Variants in PRDM6 observed in about 807,000 individuals in gnomAD.
PRDM6 encodes PR/SET domain 6.
Under a neutral mutation model 60.8 loss-of-function variants are expected in PRDM6, and 25 were observed. The ratio of observed to expected loss-of-function variants is 0.41; its 90% confidence interval spans 0.30 to 0.57. PRDM6 has a LOEUF of 0.57. PRDM6 is among the 20% of genes least tolerant of loss of function. The probability of loss-of-function intolerance (pLI) is 0.27; values close to 1 mark genes in which losing one functional copy is unlikely to be tolerated. For missense variants in PRDM6, 839 were observed against 821.3 expected (o/e 1.02, Z -0.26); for synonymous variants, 407 against 357.4 (o/e 1.14, Z -1.57).
intron 3 of PRDM6, among the ~76,000 whole-genome samples, chr5:123,126,686 T>G (rs2150220832): frequency 6.6e-6 from 1 of 152,334 alleles, no homozygotes; most frequent in South Asian, 2.1e-4. Context: ...CACATATTTC[T>G]ACATTTTCTT....
At chr5:123,120,280 C>A (rs1764552043) in intron 3 of PRDM6, among the ~76,000 whole-genome samples, 1 of 152,282 alleles carries the variant, frequency 6.6e-6, no homozygotes, top group Admixed American at 6.5e-5. Flanking sequence ...TGTGTTATGT[C>A]CAAACAGTGT....
intron 6 of PRDM6, among the ~76,000 whole-genome samples, chr5:123,172,272 CAT>C (rs772151874): frequency 6.6e-6 from 1 of 152,150 alleles, no homozygotes; most frequent in Non-Finnish European, 1.5e-5. Flanking sequence ...TTACAGGATA[CAT>C]GTGCACATTA....
At chr5:123,098,973 T>C (rs1239008657) in intron 2 of PRDM6, among the ~76,000 whole-genome samples, 1 of 151,550 alleles carries the variant, frequency 6.6e-6, no homozygotes, top group African/African-American at 2.4e-5. Flanking sequence ...CTCTGCCCCG[T>C]CCCGTGGCGT....
chr5:123,117,728 C>T (rs1036794663), intron 3 of PRDM6, among the ~76,000 whole-genome samples: 5 of 152,008 alleles, frequency 3.3e-5, no homozygotes, highest in East Asian at 1.9e-4. Context: ...AGAGCAGCCA[C>T]GGAGTGTGTC....
At chr5:123,115,160 G>A (rs1181486554) in intron 3 of PRDM6, among the ~76,000 whole-genome samples, 1 of 152,104 alleles carries the variant, frequency 6.6e-6, no homozygotes, top group Admixed American at 6.5e-5. Flanking sequence ...AGGTGTAGTT[G>A]TGGATGCCTC....
At chr5:123,142,226 G>C (rs1456690002) in intron 3 of PRDM6, among the ~76,000 whole-genome samples, 1 of 152,064 alleles carries the variant, frequency 6.6e-6, no homozygotes, top group Non-Finnish European at 1.5e-5. Flanking sequence ...CTTATATTAA[G>C]ACATATTTAC....
intron 3 of PRDM6, among the ~76,000 whole-genome samples, chr5:123,133,123 G>A (rs1469950843): frequency 1.3e-5 from 2 of 152,094 alleles, no homozygotes; most frequent in African/African-American, 2.4e-5. Flanking sequence ...CATACAGTGT[G>A]AGAGGCCTGT....
chr5:123,136,393 C>T (rs1011074396), intron 3 of PRDM6, among the ~76,000 whole-genome samples: 14 of 152,080 alleles, frequency 9.2e-5, no homozygotes, highest in African/African-American at 3.4e-4. Flanking sequence ...ACGTTATTCA[C>T]CGAACAGAGC....
chr5:123,124,075 T>G (rs1327178148), intron 3 of PRDM6, among the ~76,000 whole-genome samples: 1 of 152,156 alleles, frequency 6.6e-6, no homozygotes, highest in Non-Finnish European at 1.5e-5. Flanking sequence ...CAGGCCAACC[T>G]TAGAGACTGA....
chr5:123,133,368 C>G (rs959132909), intron 3 of PRDM6, among the ~76,000 whole-genome samples: 1 of 151,950 alleles, frequency 6.6e-6, no homozygotes, highest in Admixed American at 6.6e-5. Flanking sequence ...TAATCTTTTC[C>G]TTTTGGAATT....
intron 3 of PRDM6, among the ~76,000 whole-genome samples, chr5:123,112,448 C>T (rs1171406958): frequency 2.0e-5 from 3 of 152,220 alleles, no homozygotes; most frequent in Non-Finnish European, 4.4e-5. Flanking sequence ...TTTTTCCCTC[C>T]TCGGCTTCCC....
In PRDM6 at chr5:123,190,987, CAAGTT is replaced by C. The variant is rs956902785; in HGVS notation, c.*3790_*3794del. ...GACCAGAAAATAGCATATTGCAAAA[CAAGTT>C]AAGATGCACAACTTGGTTGTCTTTG... is the stretch of plus-strand genomic sequence containing the variant. On this transcript the variant is annotated 3_prime_UTR_variant, in exon 8 of 8. Coordinates refer to ENST00000407847, the MANE Select transcript of PRDM6 (RefSeq NM_001136239.4). The C allele has an allele frequency of 6.6e-6, 1 of 152,126 alleles. No individual in the cohort carries two copies. Among genetic ancestry groups the C allele is most frequent in the Non-Finnish European group, 1.5e-5 (1 of 68,024 alleles). 9.4% of individuals were successfully genotyped at this position (152,126 alleles called of 1,614,324 possible).
chr5:123,107,901 A>G (rs933128314), intron 3 of PRDM6, among the ~76,000 whole-genome samples: 1 of 152,222 alleles, frequency 6.6e-6, no homozygotes, highest in African/African-American at 2.4e-5. Context: ...AAAACTGACT[A>G]CTTAGAAATT....
intron 3 of PRDM6, among the ~76,000 whole-genome samples, chr5:123,145,237 T>C (rs1765214386): frequency 6.6e-6 from 1 of 152,208 alleles, no homozygotes; most frequent in Admixed American, 6.5e-5. Flanking sequence ...ACAACAAATA[T>C]CCAAAGGTTG....
Position 123,170,811 on chromosome 5 carries a change from C to T in PRDM6, c.1199C>T (p.Ala400Val), listed in dbSNP as rs866199814. 6.4e-7 allele frequency: 1 copy of T among 1,551,916 alleles called. No homozygotes were observed. Among genetic ancestry groups the T allele is most frequent in the Admixed American group, 2.0e-5 (1 of 50,982 alleles). Reference protein sequence around the residue: ...TVMEAMCRQDALQPFNKSSKL... With the variant: ...TVMEAMCRQDVLQPFNKSSKL... ...ATGGAAGCCATGTGCAGACAAGACG[C>T]CCTGCAGCCCTTCAACAAAAGCAGC... Residue 400 changes from alanine to valine, a missense_variant, in exon 6 of 8, where the codon GCC becomes GTC. Coordinates refer to ENST00000407847, the MANE Select transcript of PRDM6 (RefSeq NM_001136239.4).
intron 3 of PRDM6, among the ~76,000 whole-genome samples, chr5:123,108,016 C>T (rs141807809): frequency 2.6e-5 from 4 of 152,058 alleles, no homozygotes; most frequent in Admixed American, 6.6e-5. Context: ...TTAAAAGCTG[C>T]GTGGTTAGCT....
In PRDM6 at chr5:123,143,784, GGGTTACAAAAACAGT is replaced by G. The variant is rs1765176744; in HGVS notation, c.901-12096_901-12082del. Among the ~76,000 whole-genome samples, 3 of 152,164 alleles carry G rather than the reference GGGTTACAAAAACAGT, an allele frequency of 2.0e-5. No homozygotes were observed. In the East Asian group the frequency reaches 5.8e-4, roughly 29 times the overall value. On this transcript the variant is annotated intron_variant, in intron 3 of 7. Transcript: ENST00000407847. The stretch of plus-strand genomic sequence containing the variant: ...GAAAAATGAAAAAAATGCCAAAATA[GGGTTACAAAAACAGT>G]GGTATACTTTAAATGTTTACCTTTA...
rs747211874 is a variant in PRDM6, at chr5:123,090,112, G to A, written c.98G>A (p.Gly33Asp). ...CAACTCTTCCCTCACGGAGGCGCAG[G>A]CCCGCTCAAGGGCAGCGGCGCCGCG... ...WQQLFPHGGA[G>D]PLKGSGAAGL... The change falls in exon 2 of 8, where the codon GGC becomes GAC. Residue 33 changes from glycine to aspartate, a missense_variant. By Grantham distance (94) the Gly-to-Asp change is moderately conservative. This residue lies in a region of PRDM6 where 730 missense variants were observed against 648.8 expected (regional missense o/e 1.13). Coordinates refer to ENST00000407847, the MANE Select transcript of PRDM6 (RefSeq NM_001136239.4). The A allele has an allele frequency of 6.5e-7, 1 of 1,544,060 alleles. No individual in the cohort carries two copies. Among genetic ancestry groups the A allele is most frequent in the South Asian group, 1.2e-5 (1 of 83,812 alleles).
chr5:123,120,052 C>T (rs1410559830), intron 3 of PRDM6, among the ~76,000 whole-genome samples: 2 of 152,010 alleles, frequency 1.3e-5, no homozygotes, highest in African/African-American at 4.8e-5. Flanking sequence ...CATTAGGTAT[C>T]TTACAAAGAG....
Sources: allele counts gnomAD v4.1 joint callset (sites outside exome capture counted in the v4.1 genomes callset), GRCh38; gene constraint gnomAD v4.1.1; regional missense constraint gnomAD v4.1.1; transcripts MANE v1.5; gene names NCBI Gene and HGNC (gene_info 2026-07-23, HGNC 2026-07-21).